Variants in PPCS observed in about 807,000 individuals in gnomAD.
PPCS encodes phosphopantothenoylcysteine synthetase, also known as phosphopantothenate--cysteine ligase.
PPCS carries 17 observed loss-of-function variants against 24.6 expected under a neutral mutation model. The ratio of observed to expected loss-of-function variants is 0.69; its 90% CI spans 0.47 to 1.04. PPCS has a LOEUF of 1.04. Ranked by LOEUF, PPCS falls within the 50% of genes least tolerant of loss-of-function variation. The probability of loss-of-function intolerance (pLI) is 0.00; values close to 1 mark genes in which losing one functional copy is unlikely to be tolerated. For synonymous variants in PPCS, 190 were observed against 168.3 expected (o/e 1.13, Z -1.00); for missense variants, 360 against 402.8 (o/e 0.89, Z 0.91).
At position 42,460,305 on chromosome 1, in the gene PPCS, T is replaced by C; in HGVS notation, c.*379T>C. 1 of 995,346 alleles carries C rather than the reference T, an allele frequency of 1.0e-6. No individual in the cohort carries two copies. Among genetic ancestry groups the C allele is most frequent in the Non-Finnish European group, 1.2e-6 (1 of 834,864 alleles). 61.7% of individuals were successfully genotyped at this position (995,346 alleles called of 1,614,324 possible). On this transcript the variant is annotated 3_prime_UTR_variant, in exon 3 of 3. Coordinates refer to ENST00000372561, the MANE Select transcript of PPCS (RefSeq NM_024664.4). ...TGCCTATGTATGTCAGGCCCTGTGCTGAGCCATGAGGATTAAAAAGATGAA... is the reference window on the plus strand; with the variant it reads ...TGCCTATGTATGTCAGGCCCTGTGCCGAGCCATGAGGATTAAAAAGATGAA...
At chr1:42,461,696 G>A (rs1296628779), downstream of PPCS, among the ~76,000 whole-genome samples, 5 of 152,052 alleles carry the variant, frequency 3.3e-5, no homozygotes, top group Middle Eastern at 3.4e-3. Context: ...ACAGGCGCCC[G>A]CCACCACGCC....
At chr1:42,457,469 A>G (rs1021806232) in intron 2 of PPCS, 119 bp downstream of exon 2, 1 of 855,188 alleles carries the variant, frequency 1.2e-6, no homozygotes, top group Non-Finnish European at 1.9e-6. Context: ...GGATACAGAG[A>G]TGAATAAGAC....
intron 1 of PPCS, 21 bp downstream of exon 1, chr1:42,457,094 C>G (rs968733650): frequency 6.3e-7 from 1 of 1,579,312 alleles, no homozygotes; most frequent in East Asian, 2.2e-5. Context: ...TAGGAGTACC[C>G]CTTTTGCCTG....
chr1:42,473,409 T>C, downstream of PPCS: 1 of 629,252 alleles, frequency 1.6e-6, no homozygotes, highest in Non-Finnish European at 2.3e-6. Context: ...CTGTATAGTT[T>C]GAAAAGCACC....
At position 42,460,373 on chromosome 1, in the gene PPCS, G is replaced by A. The variant is rs1355809725; in HGVS notation, c.*447G>A. ...GGAAATGGATGTATAAAAAAATCAA[G>A]TGCAATAAAGTGTGTGTCCAAAAGC... On this transcript the variant is annotated 3_prime_UTR_variant, in exon 3 of 3. Transcript: ENST00000372561. The A allele has an allele frequency of 2.0e-6, 2 of 987,094 alleles. No homozygotes were observed. Among genetic ancestry groups the A allele is most frequent in the Non-Finnish European group, 2.4e-6 (2 of 830,840 alleles). The allele number at this position is 987,094 out of a possible 1,614,324, so 61.1% of individuals were successfully genotyped here.
At position 42,459,909 on chromosome 1, in the gene PPCS, A is replaced by G. The variant is rs2148421930; in HGVS notation, c.919A>G (p.Ile307Val). ...DNLQSRHTAF[I>V]GDRN ...TCTTCAGTCTCGACACACAGCTTTT[A>G]TAGGTGACAGAAACTGAAGTAAAAA... The change falls in exon 3 of 3, where the codon ATA becomes GTA. Residue 307 changes from isoleucine (I) to valine (V), a missense_variant. Ile to Val is a conservative substitution (Grantham distance 29). Coordinates refer to ENST00000372561, the MANE Select transcript of PPCS (RefSeq NM_024664.4). The G allele has an allele frequency of 1.2e-6, 2 of 1,607,946 alleles. No homozygotes were observed. Among genetic ancestry groups the G allele is most frequent in the Non-Finnish European group, 1.7e-6 (2 of 1,176,330 alleles).
At chr1:42,456,428 G>A, upstream of PPCS, 1 of 935,714 alleles carries the variant, frequency 1.1e-6, no homozygotes, top group Non-Finnish European at 1.5e-6. Context: ...TCCAGACTTG[G>A]CGAGATCGGG....
rs7524895 is a variant in PPCS at position 42,456,874 on chromosome 1, C to A, written c.309C>A (p.Ser103=). Residue 103 remains serine (S), a synonymous_variant, in exon 1 of 3, where the codon TCC becomes TCA. Transcript: ENST00000372561. ...AHRFPPQTWL[S]ALRPSGPALS... is the part of the protein sequence containing the mutation. ...GCTTCCCACCCCAGACTTGGCTGTC[C>A]GCTCTGCGGCCTTCGGGCCCAGCCC... 4,261 of 1,613,328 alleles carry A rather than the reference C, an allele frequency of 2.6e-3. 98 individuals are homozygous for A. The African/African-American group carries it at 0.052, about 20-fold the overall frequency.
At chr1:42,457,681 G>A in intron 2 of PPCS, 1 of 257,962 alleles carries the variant, frequency 3.9e-6, no homozygotes, top group Non-Finnish European at 7.7e-6. Flanking sequence ...AACCGAGCGC[G>A]GTGGCTCACG....
At chr1:42,471,015 G>A (rs1643753472) in intron 2 of PPCS, among the ~76,000 whole-genome samples, 2 of 152,184 alleles carry the variant, frequency 1.3e-5, no homozygotes, top group South Asian at 4.1e-4. Flanking sequence ...AGGTGTTAGA[G>A]GGAGACACAT....
intron 2 of PPCS, chr1:42,457,690 C>A (rs1322101695): frequency 1.8e-5 from 4 of 221,834 alleles, no homozygotes; most frequent in Non-Finnish European, 3.7e-5. Context: ...CGGTGGCTCA[C>A]GCCTGTAATC....
chr1:42,465,514 G>A (rs1643546959), downstream of PPCS, among the ~76,000 whole-genome samples: 1 of 152,108 alleles, frequency 6.6e-6, no homozygotes, highest in Admixed American at 6.5e-5. Context: ...ATAGGCATGT[G>A]CCACCACACC....
chr1:42,459,523 A>C (rs1643345967), intron 2 of PPCS, 80 bp from the exon 3 acceptor site: 4 of 1,201,348 alleles, frequency 3.3e-6, no homozygotes, highest in Admixed American at 2.3e-5. Context: ...ACTTAAATTT[A>C]ATTCCTTAGT....
At position 42,460,483 on chromosome 1, in the gene PPCS, TTGTAGAA is replaced by T. The variant is rs1643381478; in HGVS notation, c.*560_*566del. ...AGAAGGATACCTCCCTGAAGATAGA[TTGTAGAA>T]TGGTGAGCTTTTCACTGCATTTACT... On this transcript the variant is annotated 3_prime_UTR_variant, in exon 3 of 3. Transcript: ENST00000372561. The T allele has an allele frequency of 1.3e-5, 8 of 629,154 alleles. No individual in the cohort carries two copies. The highest frequency in any genetic ancestry group is 1.6e-5 in the Non-Finnish European group (8 of 504,068). The allele number at this position is 629,154 out of a possible 1,614,324, so 39.0% of individuals were successfully genotyped here. A position where few individuals can be genotyped will look rare whatever the true frequency, so the allele number is the denominator to read the frequency against.
intron 2 of PPCS, among the ~76,000 whole-genome samples, chr1:42,469,068 A>G (rs1643681256): frequency 6.6e-6 from 1 of 152,096 alleles, no homozygotes; most frequent in South Asian, 2.1e-4. Context: ...TACAGCAAAG[A>G]GATCATATGT....
At chr1:42,472,496 TTAGGGGCCTCTC>T (rs1381187365) in intron 2 of PPCS, among the ~76,000 whole-genome samples, 1 of 152,126 alleles carries the variant, frequency 6.6e-6, no homozygotes, top group African/African-American at 2.4e-5. Context: ...TAGTATAGAA[TTAGGGGCCTCTC>T]TAGCTTCCAG....
intron 2 of PPCS, among the ~76,000 whole-genome samples, chr1:42,466,601 G>C (rs998606357): frequency 2.6e-5 from 4 of 151,738 alleles, no homozygotes; most frequent in African/African-American, 7.3e-5. Flanking sequence ...GCCCAGGCTG[G>C]AGTGCAGTGT....
chr1:42,461,739 G>T (rs377062994), downstream of PPCS, among the ~76,000 whole-genome samples: 6 of 152,112 alleles, frequency 3.9e-5, no homozygotes, highest in African/African-American at 1.2e-4. Flanking sequence ...TAGAGATGGG[G>T]TTTCACCTTG....
At chr1:42,458,453 T>C (rs1643303025) in intron 2 of PPCS, among the ~76,000 whole-genome samples, 1 of 152,202 alleles carries the variant, frequency 6.6e-6, no homozygotes, top group South Asian at 2.1e-4. Context: ...CTTTGTAGAA[T>C]AGTTTATTGA....
Sources: allele counts gnomAD v4.1 joint callset (sites outside exome capture counted in the v4.1 genomes callset), GRCh38; gene constraint gnomAD v4.1.1; transcripts MANE v1.5; gene names NCBI Gene and HGNC (gene_info 2026-07-23, HGNC 2026-07-21).